The following CLYBL variants were observed in gnomAD, a reference collection of about 807,000 sequenced individuals.
CLYBL encodes the protein citramalyl-CoA lyase.
CLYBL carries 31 observed loss-of-function variants against 38.9 expected under a neutral mutation model. The ratio of observed to expected loss-of-function variants is 0.80; its 90% CI spans 0.60 to 1.08. The LOEUF (loss-of-function observed/expected upper bound fraction) is 1.08, where lower values mean the gene tolerates loss of function less well. Ranked by LOEUF, CLYBL falls within the 50% of genes least tolerant of loss-of-function variation. The pLI, the probability that CLYBL is intolerant of heterozygous loss-of-function variation, is 0.00. For missense variants in CLYBL, 434 were observed against 411.6 expected (o/e 1.05, Z -0.47); for synonymous variants, 171 against 158.6 (o/e 1.08, Z -0.59).
intron 1 of CLYBL, among the ~76,000 whole-genome samples, chr13:99,631,979 C>T (rs1025764659): frequency 1.3e-5 from 2 of 152,158 alleles, no homozygotes; most frequent in South Asian, 2.1e-4. Context: ...GGAGAATCTA[C>T]CTCAAAAGAC....
chr13:99,811,103 A>G (rs561071853), intron 2 of CLYBL, among the ~76,000 whole-genome samples: 27 of 152,180 alleles, frequency 1.8e-4, no homozygotes, highest in African/African-American at 6.0e-4. Flanking sequence ...AGAACCCCCA[A>G]AGTGACCTGA....
intron 1 of CLYBL, among the ~76,000 whole-genome samples, chr13:99,730,517 A>G (rs1260404776): frequency 2.0e-5 from 3 of 152,106 alleles, no homozygotes; most frequent in Non-Finnish European, 2.9e-5. Context: ...AAGACAGGCC[A>G]TGCCAGGCGA....
intron 1 of CLYBL, among the ~76,000 whole-genome samples, chr13:99,770,941 C>T (rs1180230047): frequency 6.1e-5 from 9 of 148,076 alleles, no homozygotes; most frequent in African/African-American, 1.0e-4. Flanking sequence ...AGGATAGTCT[C>T]CATCTCCTGA....
chr13:99,656,348 A>G (rs1217769736), intron 1 of CLYBL, among the ~76,000 whole-genome samples: 1 of 151,976 alleles, frequency 6.6e-6, no homozygotes, highest in Admixed American at 6.5e-5. Flanking sequence ...GGCACTTTCC[A>G]CTTTGGGCTT....
intron 1 of CLYBL, among the ~76,000 whole-genome samples, chr13:99,770,695 C>T (rs1037009855): frequency 3.9e-4 from 59 of 152,108 alleles, no homozygotes; most frequent in Admixed American, 2.2e-3. Context: ...TGAGCCACTG[C>T]GCCCGGCCGG....
intron 1 of CLYBL, among the ~76,000 whole-genome samples, chr13:99,746,914 T>A (rs921604148): frequency 6.6e-6 from 1 of 152,232 alleles, no homozygotes; most frequent in African/African-American, 2.4e-5. Flanking sequence ...CCTTTGTGTT[T>A]CCAGGAGCCC....
chr13:99,708,339 C>T lies in CLYBL; in HGVS notation c.63-64485C>T, dbSNP rs547283485. Among the ~76,000 whole-genome samples the T allele has an allele frequency of 1.1e-4, 17 of 152,254 alleles. No homozygotes were observed. In the South Asian group the frequency reaches 1.7e-3, roughly 15 times the overall value. On this transcript the variant is annotated intron_variant, in intron 1 of 8. Transcript: ENST00000339105. The stretch of plus-strand genomic sequence containing the variant: ...TACTGTGTAGAAATTCTCAGTCATC[C>T]ACCTAATTTGTTTATTTCCCATTCA...
At chr13:99,674,180 C>A (rs1461861418) in intron 1 of CLYBL, among the ~76,000 whole-genome samples, 3 of 96,476 alleles carry the variant, frequency 3.1e-5, no homozygotes, top group Admixed American at 3.4e-4. Flanking sequence ...GAGATGGAGT[C>A]TTGCTCTGTC....
intron 1 of CLYBL, among the ~76,000 whole-genome samples, chr13:99,630,552 A>G (rs999495489): frequency 1.3e-5 from 2 of 152,222 alleles, no homozygotes; most frequent in African/African-American, 4.8e-5. Flanking sequence ...GTAGTTCTGA[A>G]TAAGAAAAGC....
intron 1 of CLYBL, among the ~76,000 whole-genome samples, chr13:99,635,438 G>A (rs2139248400): frequency 6.6e-6 from 1 of 152,236 alleles, no homozygotes; most frequent in Non-Finnish European, 1.5e-5. Flanking sequence ...CCACATGTGA[G>A]GGTCCACCCT....
intron 1 of CLYBL, among the ~76,000 whole-genome samples, chr13:99,770,379 G>T (rs554198678): frequency 7.2e-5 from 11 of 152,086 alleles, no homozygotes; most frequent in African/African-American, 2.7e-4. Context: ...GTACAGTGGC[G>T]CAATCTTGGC....
intron 2 of CLYBL, among the ~76,000 whole-genome samples, chr13:99,824,235 C>A (rs1245847621): frequency 6.6e-6 from 1 of 151,324 alleles, no homozygotes; most frequent in East Asian, 1.9e-4. Flanking sequence ...TTTCTACTAG[C>A]TTGAAAGCCT....
chr13:99,907,567 A>AT (rs1038570602), intron 9 of CLYBL, among the ~76,000 whole-genome samples: 1 of 151,994 alleles, frequency 6.6e-6, no homozygotes, highest in African/African-American at 2.4e-5. Context: ...CTATACATCA[A>AT]TTTTTTTTAA....
intron 1 of CLYBL, among the ~76,000 whole-genome samples, chr13:99,661,653 C>A (rs1443575061): frequency 6.6e-6 from 1 of 152,024 alleles, no homozygotes; most frequent in African/African-American, 2.4e-5. Context: ...AATTTGGGGT[C>A]TTTGTTACGG....
At chr13:99,714,222 C>T (rs1457959344) in intron 1 of CLYBL, among the ~76,000 whole-genome samples, 1 of 152,160 alleles carries the variant, frequency 6.6e-6, no homozygotes, top group African/African-American at 2.4e-5. Context: ...TTGTCCGTTT[C>T]TCTTGAGTGC....
intron 1 of CLYBL, among the ~76,000 whole-genome samples, chr13:99,743,558 C>T (rs1047953243): frequency 2.0e-5 from 3 of 152,106 alleles, no homozygotes; most frequent in South Asian, 2.1e-4. Flanking sequence ...AAAATGTAGG[C>T]GCCATAACTG....
chr13:99,608,085 T>C (rs2046559420), intron 1 of CLYBL, among the ~76,000 whole-genome samples: 1 of 97,290 alleles, frequency 1.0e-5, no homozygotes, highest in Non-Finnish European at 2.1e-5. Context: ...TTTTTTTTTT[T>C]TCCGAGATGG....
At chr13:99,756,396 G>C (rs1262929401) in intron 1 of CLYBL, among the ~76,000 whole-genome samples, 1 of 152,130 alleles carries the variant, frequency 6.6e-6, no homozygotes, top group African/African-American at 2.4e-5. Flanking sequence ...GCTGTACTTT[G>C]GAGTCTTTCT....
intron 2 of CLYBL, among the ~76,000 whole-genome samples, chr13:99,787,088 G>A (rs1450559567): frequency 6.6e-6 from 1 of 151,970 alleles, no homozygotes; most frequent in Non-Finnish European, 1.5e-5. Flanking sequence ...AGTTCTTGGT[G>A]GATTCTGGAT....
Sources: gnomAD v4.1 joint callset for allele counts (sites outside exome capture counted in the v4.1 genomes callset) on GRCh38, gnomAD v4.1.1 for gene constraint, MANE v1.5 for transcripts, NCBI Gene and HGNC (gene_info 2026-07-23, HGNC 2026-07-21) for gene names.